MAP7D3: variants seen among roughly 807,000 people sequenced by gnomAD.
MAP7D3 encodes the protein MAP7 domain-containing protein 3.
In MAP7D3, 45 loss-of-function variants were observed where a neutral mutation model predicts 62.2. That is an observed-to-expected ratio of 0.72 (90% confidence interval 0.57 to 0.93). The LOEUF (loss-of-function observed/expected upper bound fraction) is 0.93, where lower values mean the gene tolerates loss of function less well. MAP7D3 is among the 40% of genes least tolerant of loss of function. The pLI is 0.00. For synonymous variants in MAP7D3, 288 were observed against 248.8 expected (o/e 1.16, Z -1.48); for missense variants, 711 against 683.1 (o/e 1.04, Z -0.45).
In MAP7D3 at chrX:136,236,349, A is replaced by G; in HGVS notation, c.641-10T>C. 1 of 1,030,808 alleles carries G rather than the reference A, an allele frequency of 9.7e-7. No homozygotes were observed. The highest frequency in any genetic ancestry group is 2.1e-5 in the South Asian group (1 of 48,583). 85.0% of individuals were successfully genotyped at this position (1,030,808 alleles called of 1,213,427 possible). A position where few individuals can be genotyped will look rare whatever the true frequency, so the allele number is the denominator to read the frequency against. ...TCCTTGTCTGTTTTCCCTAGAGAGCAAGTACAAAAGGAATATTAGTTTTCA... is the reference window on the plus strand; with the variant it reads ...TCCTTGTCTGTTTTCCCTAGAGAGCGAGTACAAAAGGAATATTAGTTTTCA... On this transcript the variant is annotated splice_polypyrimidine_tract_variant and intron_variant, in intron 6 of 18. Coordinates refer to ENST00000316077, the MANE Select transcript of MAP7D3 (RefSeq NM_024597.4).
intron 1 of MAP7D3, among the ~76,000 whole-genome samples, chrX:136,250,734 G>A (rs2074495053): frequency 8.9e-6 from 1 of 112,222 alleles, no homozygotes; most frequent in Non-Finnish European, 1.9e-5. Flanking sequence ...GGCAAGGACT[G>A]CGACAGTAAA....
intron 11 of MAP7D3, among the ~76,000 whole-genome samples, 195 bp from the exon 12 acceptor site, chrX:136,227,626 C>T (rs1388251387): frequency 9.1e-6 from 1 of 109,465 alleles, no homozygotes; most frequent in African/African-American, 3.3e-5. Flanking sequence ...AAAACTAGCC[C>T]TCGGGAGCAG....
At chrX:136,253,543 C>A (rs1460582032), upstream of MAP7D3, among the ~76,000 whole-genome samples, 1 of 112,171 alleles carries the variant, frequency 8.9e-6, no homozygotes, top group Non-Finnish European at 1.9e-5. Flanking sequence ...ATGTATGATC[C>A]TTGATTACAA....
intron 7 of MAP7D3, among the ~76,000 whole-genome samples, chrX:136,232,984 C>A (rs944376084): frequency 1.8e-5 from 2 of 111,008 alleles, no homozygotes; most frequent in African/African-American, 6.5e-5. Context: ...AAAAAAATTA[C>A]ATAAATATAT....
At chrX:136,246,666 A>G (rs967766347) in intron 1 of MAP7D3, among the ~76,000 whole-genome samples, 18 of 112,248 alleles carry the variant, frequency 1.6e-4, no homozygotes, top group African/African-American at 5.5e-4. Flanking sequence ...TGTCTCAAAC[A>G]AAACATTACA....
chrX:136,226,752 C>A (rs1190590716), intron 12 of MAP7D3, among the ~76,000 whole-genome samples: 2 of 111,943 alleles, frequency 1.8e-5, no homozygotes, highest in Non-Finnish European at 1.9e-5. Flanking sequence ...CTGCTTATTT[C>A]ACTAGGAAAA....
chrX:136,225,854 T>C (rs2074187719), intron 13 of MAP7D3, 55 bp downstream of exon 13: 2 of 753,517 alleles, frequency 2.7e-6, no homozygotes, highest in Non-Finnish European at 4.0e-6. Flanking sequence ...TGATATCAGG[T>C]GCCCAACATT....
At chrX:136,240,345 A>G in intron 6 of MAP7D3, 37 bp downstream of exon 6, 3 of 841,457 alleles carry the variant, frequency 3.6e-6, no homozygotes, top group Non-Finnish European at 5.4e-6. Context: ...ATTTCATTTA[A>G]TAGAAATTCA....
rs1443282990 is a variant in MAP7D3 at position 136,218,302 on chromosome X, GAAT to G, written c.*221_*223del. The G allele has an allele frequency of 9.0e-6, 1 of 111,668 alleles. No homozygotes were observed. Among genetic ancestry groups the G allele is most frequent in the Non-Finnish European group, 1.9e-5 (1 of 53,092 alleles). The allele number at this position is 111,668 out of a possible 1,213,427, so 9.2% of individuals were successfully genotyped here. On this transcript the variant is annotated 3_prime_UTR_variant, in exon 19 of 19. Transcript: ENST00000316077. Reference sequence around the variant, plus strand: ...TTAGAACTCTTGCTTAGACACAAGAGAATAAGATGACTTTAACATCTGAGATAT... The same window carrying G: ...TTAGAACTCTTGCTTAGACACAAGAGAAGATGACTTTAACATCTGAGATAT...
upstream of MAP7D3, chrX:136,251,434 T>C (rs2074510773): frequency 2.9e-6 from 2 of 691,452 alleles, no homozygotes; most frequent in African/African-American, 6.2e-5. Context: ...GCTTGGGTCG[T>C]GGCCGGGCTG....
upstream of MAP7D3, chrX:136,256,267 C>T: frequency 8.7e-7 from 1 of 1,154,515 alleles, no homozygotes; most frequent in Non-Finnish European, 1.1e-6. Flanking sequence ...CCTTTTCCCA[C>T]ATCTGCGCTT....
intron 10 of MAP7D3, 123 bp downstream of exon 10, chrX:136,230,262 T>C: frequency 2.2e-6 from 1 of 459,862 alleles, no homozygotes; most frequent in East Asian, 3.6e-5. Context: ...GATTCTCTCT[T>C]TCTAAAAGGA....
At chrX:136,225,165 G>C (rs902924263) in intron 13 of MAP7D3, among the ~76,000 whole-genome samples, 3 of 112,507 alleles carry the variant, frequency 2.7e-5, no homozygotes, top group Non-Finnish European at 3.7e-5. Flanking sequence ...AAATTCATTA[G>C]ACTAAGCATA....
At chrX:136,253,755 G>A (rs950926866), upstream of MAP7D3, among the ~76,000 whole-genome samples, 3 of 111,725 alleles carry the variant, frequency 2.7e-5, no homozygotes, top group Non-Finnish European at 5.7e-5. Flanking sequence ...GGGAGGCTGA[G>A]GCCGGCACAT....
chrX:136,227,245 C>T, intron 12 of MAP7D3, 39 bp downstream of exon 12: 1 of 1,186,455 alleles, frequency 8.4e-7, no homozygotes, highest in Non-Finnish European at 1.1e-6. Context: ...ACTTTATAAT[C>T]TGGTTCTCAT....
intron 1 of MAP7D3, among the ~76,000 whole-genome samples, chrX:136,247,427 A>C (rs773943919): frequency 3.6e-5 from 4 of 111,640 alleles, no homozygotes; most frequent in Non-Finnish European, 7.5e-5. Context: ...TATTGAGAAA[A>C]ATGTAACAGT....
Position 136,243,756 on chromosome X carries a change from T to C in MAP7D3, c.417+876A>G, listed in dbSNP as rs778230982. On this transcript the variant is annotated intron_variant, in intron 4 of 18. Coordinates refer to ENST00000316077, the MANE Select transcript of MAP7D3 (RefSeq NM_024597.4). ...AGAGAAAGAGAGAATGCCAGGAAGA[T>C]AGAGGACAGTGTCACAGCGACCACG... is the stretch of plus-strand genomic sequence containing the variant. Among the ~76,000 whole-genome samples, 27 of 107,868 alleles carry C rather than the reference T, an allele frequency of 2.5e-4. 1 individual carries two copies. The highest frequency in any genetic ancestry group is 4.6e-4 in the Non-Finnish European group (24 of 52,220). The allele number at this position is 107,868 out of a possible 115,157, so 93.7% of individuals were successfully genotyped here. A position where few individuals can be genotyped will look rare whatever the true frequency, so the allele number is the denominator to read the frequency against.
intron 15 of MAP7D3, among the ~76,000 whole-genome samples, chrX:136,221,279 C>G (rs976137890): frequency 2.7e-5 from 3 of 112,189 alleles, no homozygotes; most frequent in African/African-American, 9.7e-5. Flanking sequence ...CACCCCTCCC[C>G]TGATCACTCA....
chrX:136,246,352 G>A lies in MAP7D3; in HGVS notation c.71-11C>T, dbSNP rs1051359349. 9.9e-6 allele frequency: 11 copies of A among 1,110,328 alleles called. No homozygotes were observed. The highest frequency in any genetic ancestry group is 7.5e-5 in the South Asian group (4 of 53,299). 91.5% of individuals were successfully genotyped at this position (1,110,328 alleles called of 1,213,427 possible). On this transcript the variant is annotated splice_polypyrimidine_tract_variant and intron_variant, in intron 1 of 18. Coordinates refer to ENST00000316077, the MANE Select transcript of MAP7D3 (RefSeq NM_024597.4). ...CGTTTGCTGCAGCAACTAAAATACAGGGAGATAAAAGGATTAGATGTTAAG... is the reference window on the plus strand; with the variant it reads ...CGTTTGCTGCAGCAACTAAAATACAAGGAGATAAAAGGATTAGATGTTAAG...
Sources: gnomAD v4.1 joint callset for allele counts (sites outside exome capture counted in the v4.1 genomes callset) on GRCh38, gnomAD v4.1.1 for gene constraint, MANE v1.5 for transcripts, NCBI Gene and HGNC (gene_info 2026-07-23, HGNC 2026-07-21) for gene names.